The following ROBO1 variants were observed in gnomAD, a reference collection of about 807,000 sequenced individuals.
ROBO1 encodes roundabout guidance receptor 1, also known as roundabout homolog 1.
In ROBO1, 149 loss-of-function variants were observed where a neutral mutation model predicts 195.9. The ratio of observed to expected loss-of-function variants is 0.76; its 90% CI spans 0.67 to 0.87. ROBO1 has a LOEUF of 0.87. ROBO1 is among the 40% of genes least tolerant of loss of function. The pLI, the probability that ROBO1 is intolerant of heterozygous loss-of-function variation, is 0.00. For synonymous variants in ROBO1, 816 were observed against 733.2 expected, an observed-to-expected ratio of 1.11 and a Z score of -1.82; for missense variants, 1,933 against 2,068.3, an observed-to-expected ratio of 0.93 and a Z score of 1.27.
chr3:78,714,274 A>C, intron 8 of ROBO1, 123 bp downstream of exon 8: 2 of 932,460 alleles, frequency 2.1e-6, no homozygotes, highest in South Asian at 6.2e-5. Flanking sequence ...TTTGAAATAC[A>C]TTATTTAGAG....
chr3:78,900,010 C>T (rs1207171118), intron 4 of ROBO1, among the ~76,000 whole-genome samples: 2 of 152,270 alleles, frequency 1.3e-5, no homozygotes, highest in South Asian at 2.1e-4. Context: ...GGGTACTAGT[C>T]AGAAAAGCCT....
At chr3:79,697,659 TTAATAA>T (rs1325293103) in intron 1 of ROBO1, among the ~76,000 whole-genome samples, 2 of 151,442 alleles carry the variant, frequency 1.3e-5, no homozygotes, top group East Asian at 1.9e-4. Flanking sequence ...AGGTGATATA[TTAATAA>T]TAATAATTTT....
At position 79,331,236 on chromosome 3, in the gene ROBO1, A is replaced by G. The variant is rs1440393676; in HGVS notation, c.89-205697T>C. Among the ~76,000 whole-genome samples, 3 of 152,340 alleles carry G rather than the reference A, an allele frequency of 2.0e-5. No homozygotes were observed. The East Asian group carries it at 5.8e-4, about 29-fold the overall frequency. On this transcript the variant is annotated intron_variant, in intron 2 of 30. Coordinates refer to ENST00000464233, the MANE Select transcript of ROBO1 (RefSeq NM_002941.4). Reference sequence around the variant, plus strand: ...AAAAATGTAAATCCAGATTTAATGAAGAATTAAATACTCTTGAATTCACCA... The same window carrying G: ...AAAAATGTAAATCCAGATTTAATGAGGAATTAAATACTCTTGAATTCACCA...
chr3:79,079,157 A>G (rs1484574377), intron 3 of ROBO1, among the ~76,000 whole-genome samples: 1 of 151,758 alleles, frequency 6.6e-6, no homozygotes, highest in Non-Finnish European at 1.5e-5. Context: ...GTCAAATAAC[A>G]CCATATTGAA....
chr3:78,711,394 C>CTTT (rs1491495795), intron 8 of ROBO1, among the ~76,000 whole-genome samples: 6 of 36,348 alleles, frequency 1.7e-4, no homozygotes, highest in South Asian at 2.5e-3. Context: ...TTCCTTCCTT[C>CTTT]CTTCCTTTCT....
At chr3:79,379,251 C>T (rs1401007495) in intron 2 of ROBO1, among the ~76,000 whole-genome samples, 2 of 152,136 alleles carry the variant, frequency 1.3e-5, no homozygotes, top group Non-Finnish European at 2.9e-5. Context: ...CATGCTCTCT[C>T]GATGAAATAA....
chr3:79,205,832 C>A (rs1286667141), intron 2 of ROBO1, among the ~76,000 whole-genome samples: 1 of 152,120 alleles, frequency 6.6e-6, no homozygotes, highest in Non-Finnish European at 1.5e-5. Context: ...AACATGATAA[C>A]TTATTTGAGA....
intron 2 of ROBO1, among the ~76,000 whole-genome samples, chr3:79,395,321 C>CAAA (rs71631647): frequency 5.6e-4 from 28 of 50,104 alleles, no homozygotes; most frequent in African/African-American, 1.4e-3. Flanking sequence ...GACTCCGTCT[C>CAAA]AAAAAAAAAA....
At chr3:79,142,546 G>A (rs902159426) in intron 2 of ROBO1, among the ~76,000 whole-genome samples, 7 of 152,130 alleles carry the variant, frequency 4.6e-5, no homozygotes, top group African/African-American at 1.4e-4. Context: ...CTCCTCTGTA[G>A]ATTCAGTAGC....
At chr3:79,168,779 G>C (rs1329768823) in intron 2 of ROBO1, among the ~76,000 whole-genome samples, 1 of 152,022 alleles carries the variant, frequency 6.6e-6, no homozygotes, top group African/African-American at 2.4e-5. Context: ...ATATATCAAG[G>C]GTTCCGGTCC....
intron 2 of ROBO1, among the ~76,000 whole-genome samples, chr3:79,528,262 C>T (rs1430050777): frequency 6.6e-6 from 1 of 152,138 alleles, no homozygotes; most frequent in Non-Finnish European, 1.5e-5. Flanking sequence ...ATCATATTGA[C>T]CTGACATCTC....
At chr3:79,502,928 A>G (rs534116310) in intron 2 of ROBO1, among the ~76,000 whole-genome samples, 1 of 152,166 alleles carries the variant, frequency 6.6e-6, no homozygotes, top group East Asian at 1.9e-4. Flanking sequence ...AAACGGACCA[A>G]TCAGCTCTGT....
intron 2 of ROBO1, among the ~76,000 whole-genome samples, chr3:79,201,104 C>T (rs951126343): frequency 1.3e-5 from 2 of 151,998 alleles, no homozygotes; most frequent in Admixed American, 1.3e-4. Flanking sequence ...CATCCTCATT[C>T]TTAATAGCCT....
At chr3:79,030,142 C>A (rs755597983) in intron 3 of ROBO1, among the ~76,000 whole-genome samples, 1 of 152,138 alleles carries the variant, frequency 6.6e-6, no homozygotes, top group Non-Finnish European at 1.5e-5. Flanking sequence ...TAATGGAAAC[C>A]GGCAATTGCT....
At chr3:78,793,881 G>A (rs2084103484) in intron 4 of ROBO1, among the ~76,000 whole-genome samples, 1 of 151,806 alleles carries the variant, frequency 6.6e-6, no homozygotes, top group Admixed American at 6.6e-5. Flanking sequence ...TCATTGAAAT[G>A]TATTTTTCTT....
intron 2 of ROBO1, among the ~76,000 whole-genome samples, chr3:79,357,047 T>C (rs2035584758): frequency 6.6e-6 from 1 of 152,200 alleles, no homozygotes; most frequent in African/African-American, 2.4e-5. Context: ...GCCCAATTTC[T>C]AGAATCATTA....
chr3:78,962,780 C>T (rs1042243124), intron 3 of ROBO1, among the ~76,000 whole-genome samples: 7 of 140,766 alleles, frequency 5.0e-5, no homozygotes, highest in Non-Finnish European at 9.0e-5. Flanking sequence ...GCCGAGATCG[C>T]GCCACTGCAC....
Position 78,754,578 on chromosome 3 carries a change from C to CCAGTATACCAGGAGGT in ROBO1, c.500-7679_500-7678insACCTCCTGGTATACTG, listed in dbSNP as rs2082879914. On this transcript the variant is annotated intron_variant, in intron 4 of 30. Transcript: ENST00000464233. ...CTAGTATTTCCAGTGCCCAGGACAA[C>CCAGTATACCAGGAGGT]ATCCAAGACACAGGAGGTATCCAGT... is the stretch of plus-strand genomic sequence containing the variant. Among the ~76,000 whole-genome samples the CCAGTATACCAGGAGGT allele has an allele frequency of 3.3e-5, 5 of 152,280 alleles. 1 individual carries two copies. In the East Asian group the frequency reaches 5.8e-4, roughly 18 times the overall value.
At chr3:79,723,542 C>G (rs1371330165) in intron 1 of ROBO1, among the ~76,000 whole-genome samples, 1 of 151,992 alleles carries the variant, frequency 6.6e-6, no homozygotes, top group Non-Finnish European at 1.5e-5. Flanking sequence ...TCATGTTTTC[C>G]CAACTTAAGA....
Sources: allele counts gnomAD v4.1 joint callset (sites outside exome capture counted in the v4.1 genomes callset), GRCh38; gene constraint gnomAD v4.1.1; transcripts MANE v1.5; gene names NCBI Gene and HGNC (gene_info 2026-07-23, HGNC 2026-07-21).